The following CTNNA2 variants were observed in gnomAD, a reference collection of about 807,000 sequenced individuals.
The protein encoded by CTNNA2 is catenin alpha-2.
CTNNA2 carries 42 observed loss-of-function variants against 101.0 expected under a neutral mutation model. The ratio of observed to expected loss-of-function variants is 0.42; its 90% CI spans 0.32 to 0.54. The LOEUF (loss-of-function observed/expected upper bound fraction) is 0.54. Among genes scored for constraint, CTNNA2 ranks in the 20% least tolerant of loss-of-function variants. The pLI is 0.14. For missense variants in CTNNA2, 871 were observed against 1,223.1 expected (o/e 0.71, Z 4.29); for synonymous variants, 450 against 456.4 (o/e 0.99, Z 0.18).
chr2:80,024,930 A>G (rs1476854947), intron 7 of CTNNA2, among the ~76,000 whole-genome samples: 1 of 152,056 alleles, frequency 6.6e-6, no homozygotes, highest in Non-Finnish European at 1.5e-5. Context: ...TATGAGGAAG[A>G]TTTTGTTGAG....
chr2:80,390,870 G>A (rs1206309560), intron 7 of CTNNA2, among the ~76,000 whole-genome samples: 4 of 152,056 alleles, frequency 2.6e-5, no homozygotes, highest in Non-Finnish European at 5.9e-5. Flanking sequence ...GGTGGCTCAT[G>A]CCTGTAATAC....
At chr2:79,586,665 A>C (rs1357386563) in intron 1 of CTNNA2, among the ~76,000 whole-genome samples, 1 of 151,678 alleles carries the variant, frequency 6.6e-6, no homozygotes, top group Non-Finnish European at 1.5e-5. Context: ...ATTTTTTTTA[A>C]CTTAATGTTT....
chr2:80,162,839 A>T, intron 7 of CTNNA2: 1 of 1,596,494 alleles, frequency 6.3e-7, no homozygotes, highest in East Asian at 2.2e-5. Flanking sequence ...TTTCTGGAGA[A>T]GAGAAAGATC....
At chr2:79,411,312 CT>C (rs1678407331) in intron 4 of CTNNA2, among the ~76,000 whole-genome samples, 1 of 151,858 alleles carries the variant, frequency 6.6e-6, no homozygotes, top group Non-Finnish European at 1.5e-5. Context: ...CAGTTCTGCT[CT>C]GATTTTAGTT....
At chr2:79,434,213 A>T (rs1053377825) in intron 4 of CTNNA2, among the ~76,000 whole-genome samples, 2 of 150,950 alleles carry the variant, frequency 1.3e-5, no homozygotes, top group Non-Finnish European at 2.9e-5. Flanking sequence ...TAGGAGGATC[A>T]CCTGAGCCTA....
At chr2:79,352,903 G>A (rs184159995) in intron 3 of CTNNA2, among the ~76,000 whole-genome samples, 76 of 152,280 alleles carry the variant, frequency 5.0e-4, no homozygotes, top group Middle Eastern at 3.4e-3. Flanking sequence ...CAATCATGGC[G>A]AAAGGCAAAG....
At chr2:80,095,707 C>G (rs1006811946) in intron 7 of CTNNA2, among the ~76,000 whole-genome samples, 2 of 152,124 alleles carry the variant, frequency 1.3e-5, no homozygotes, top group East Asian at 1.9e-4. Context: ...TTCAGAGATT[C>G]AACTTCTTCC....
chr2:80,241,615 C>G (rs1558934223), intron 7 of CTNNA2, among the ~76,000 whole-genome samples: 2 of 151,494 alleles, frequency 1.3e-5, no homozygotes, highest in Non-Finnish European at 2.9e-5. Context: ...ATCTATCTAT[C>G]TATCTATCTA....
chr2:79,617,193 C>T (rs760518061), intron 1 of CTNNA2, among the ~76,000 whole-genome samples: 162 of 152,242 alleles, frequency 1.1e-3, no homozygotes, highest in Admixed American at 1.6e-3. Context: ...TGAGCCATCG[C>T]GTTCAGCCCT....
At chr2:80,054,417 T>C (rs1005860650) in intron 7 of CTNNA2, among the ~76,000 whole-genome samples, 1 of 152,202 alleles carries the variant, frequency 6.6e-6, no homozygotes, top group Non-Finnish European at 1.5e-5. Context: ...CCAGAAACAC[T>C]GTGACTCCTT....
At chr2:79,449,226 T>A (rs1678864432) in intron 4 of CTNNA2, among the ~76,000 whole-genome samples, 1 of 151,986 alleles carries the variant, frequency 6.6e-6, no homozygotes, top group African/African-American at 2.4e-5. Flanking sequence ...AAAAGGGAGA[T>A]CATTTTTTCC....
At chr2:79,777,196 A>G (rs1265843179) in intron 3 of CTNNA2, 1 of 152,162 alleles carries the variant, frequency 6.6e-6, no homozygotes, top group Admixed American at 6.5e-5. Context: ...ACTGCTTACT[A>G]TACAGCTGGT....
intron 3 of CTNNA2, among the ~76,000 whole-genome samples, chr2:79,838,266 G>C (rs547307778): frequency 6.6e-6 from 1 of 152,252 alleles, no homozygotes; most frequent in Admixed American, 6.5e-5. Context: ...AACTAGAATT[G>C]TATAGGCTAG....
At chr2:79,196,276 A>G (rs1304612118) in intron 1 of CTNNA2, among the ~76,000 whole-genome samples, 4 of 152,192 alleles carry the variant, frequency 2.6e-5, no homozygotes, top group African/African-American at 7.2e-5. Context: ...CATTTCTCTT[A>G]GGCCTTTTTA....
chr2:79,657,378 A>G (rs1405953222), intron 2 of CTNNA2, among the ~76,000 whole-genome samples: 1 of 151,882 alleles, frequency 6.6e-6, no homozygotes, highest in Non-Finnish European at 1.5e-5. Context: ...ATAAATTACT[A>G]AAATATTTTC....
chr2:80,555,652 T>C, intron 11 of CTNNA2, 41 bp from the exon 12 acceptor site: 1 of 1,235,100 alleles, frequency 8.1e-7, no homozygotes, highest in Non-Finnish European at 1.1e-6. Context: ...AAGTTCTGAG[T>C]TATGTAAAGT....
At chr2:80,561,585 A>G (rs1321451795) in intron 12 of CTNNA2, among the ~76,000 whole-genome samples, 1 of 152,204 alleles carries the variant, frequency 6.6e-6, no homozygotes, top group East Asian at 1.9e-4. Flanking sequence ...TCTGTGCTAC[A>G]GGTGGGGAAC....
chr2:79,427,915 C>A (rs901640760), intron 4 of CTNNA2, among the ~76,000 whole-genome samples: 11 of 152,148 alleles, frequency 7.2e-5, no homozygotes, highest in African/African-American at 2.2e-4. Context: ...TTACTAGATA[C>A]TTGAGAGGAA....
intron 2 of CTNNA2, among the ~76,000 whole-genome samples, chr2:79,279,784 G>C (rs1675313817): frequency 6.6e-6 from 1 of 152,018 alleles, no homozygotes; most frequent in South Asian, 2.1e-4. Context: ...AAATGTGTAG[G>C]AATTATGGGA....
Sources: allele counts gnomAD v4.1 joint callset (sites outside exome capture counted in the v4.1 genomes callset), GRCh38; gene constraint gnomAD v4.1.1; transcripts MANE v1.5; gene names NCBI Gene and HGNC (gene_info 2026-07-23, HGNC 2026-07-21).